The following ROCK1 variants were observed in gnomAD, a reference collection of about 807,000 sequenced individuals.
The protein encoded by ROCK1 is rho-associated protein kinase 1.
ROCK1 carries 36 observed loss-of-function variants against 196.8 expected under a neutral mutation model. That is an observed-to-expected ratio of 0.18 (90% CI 0.14 to 0.24). The LOEUF is 0.24. Ranked by LOEUF, ROCK1 falls within the 10% of genes least tolerant of loss-of-function variation. ROCK1 has a pLI of 1.00. For synonymous variants in ROCK1, 443 were observed against 515.9 expected (o/e 0.86, Z 1.91); for missense variants, 920 against 1,562.0 (o/e 0.59, Z 6.93).
intron 1 of ROCK1, among the ~76,000 whole-genome samples, chr18:21,080,955 CCAGA>C (rs2036477646): frequency 6.6e-6 from 1 of 151,864 alleles, no homozygotes. Context: ...ATGAATAGAA[CCAGA>C]CAGAAGATTA....
At chr18:21,096,863 G>C (rs1472803146) in intron 1 of ROCK1, among the ~76,000 whole-genome samples, 1 of 152,148 alleles carries the variant, frequency 6.6e-6, no homozygotes, top group Non-Finnish European at 1.5e-5. Flanking sequence ...TTCTCATTAG[G>C]TAAGATTAAC....
rs150546228 is a variant in ROCK1 at position 21,084,932 on chromosome 18, C to T, written c.94-14319G>A. ...TTATTCAGCCTTAAAAAAGGAAATG[C>T]TGACACATACTACAACATAGATAAA... On this transcript the variant is annotated intron_variant, in intron 1 of 32. Transcript: ENST00000399799. 3.4e-3 allele frequency among the ~76,000 whole-genome samples: 518 copies of T among 152,236 alleles called. 2 individuals carry two copies. Among genetic ancestry groups the T allele is most frequent in the African/African-American group, 0.012 (499 of 41,522 alleles).
intron 9 of ROCK1, among the ~76,000 whole-genome samples, chr18:21,031,330 C>T (rs1486034470): frequency 1.3e-5 from 2 of 152,028 alleles, no homozygotes; most frequent in African/African-American, 2.4e-5. Context: ...AACCACCAGG[C>T]GTGGTGGCTC....
At chr18:20,987,155 C>CT in intron 18 of ROCK1, 45 bp from the exon 19 acceptor site, 2 of 1,569,508 alleles carry the variant, frequency 1.3e-6, no homozygotes, top group Non-Finnish European at 1.7e-6. Flanking sequence ...AGAAAGAGTA[C>CT]TTTAACACAT....
intron 1 of ROCK1, among the ~76,000 whole-genome samples, chr18:21,091,887 T>G (rs570669950): frequency 2.4e-4 from 36 of 150,208 alleles, no homozygotes; most frequent in African/African-American, 8.5e-4. Context: ...CAAGGATCAG[T>G]TGAACCGGGG....
intron 29 of ROCK1, among the ~76,000 whole-genome samples, chr18:20,956,590 G>C (rs966029900): frequency 6.6e-6 from 1 of 152,146 alleles, no homozygotes; most frequent in Non-Finnish European, 1.5e-5. Context: ...AACAAATACT[G>C]TTGGAACAAC....
chr18:21,060,594 C>A (rs1391833124), intron 2 of ROCK1, among the ~76,000 whole-genome samples: 2 of 152,140 alleles, frequency 1.3e-5, no homozygotes, highest in Non-Finnish European at 2.9e-5. Context: ...AATTCCAGCA[C>A]TTTGGGAGGC....
intron 16 of ROCK1, among the ~76,000 whole-genome samples, chr18:21,005,646 G>A (rs936831885): frequency 8.5e-5 from 13 of 152,200 alleles, no homozygotes; most frequent in Non-Finnish European, 7.3e-5. Context: ...GGAGGTCGAG[G>A]TGGGCGGATC....
chr18:21,063,101 A>G (rs1043707426), intron 2 of ROCK1, among the ~76,000 whole-genome samples: 1 of 152,180 alleles, frequency 6.6e-6, no homozygotes, highest in African/African-American at 2.4e-5. Context: ...TGGAAGAGTA[A>G]GAGCATACAT....
intron 16 of ROCK1, among the ~76,000 whole-genome samples, chr18:21,003,545 T>C (rs557548932): frequency 7.9e-5 from 12 of 152,310 alleles, no homozygotes; most frequent in Non-Finnish European, 1.5e-5. Flanking sequence ...TAATGAAATA[T>C]TTACAAATTA....
At position 20,968,067 on chromosome 18, in the gene ROCK1, G is replaced by A. The variant is rs1459014505; in HGVS notation, c.3004-127C>T. 7 of 856,182 alleles carry A rather than the reference G, an allele frequency of 8.2e-6. No individual in the cohort carries two copies. In the African/African-American group the frequency reaches 1.0e-4, roughly 13 times the overall value. 53.0% of individuals were successfully genotyped at this position (856,182 alleles called of 1,614,324 possible). A position where few individuals can be genotyped will look rare whatever the true frequency, so the allele number is the denominator to read the frequency against. On this transcript the variant is annotated intron_variant, in intron 25 of 32. Transcript: ENST00000399799. Reference sequence around the variant, plus strand: ...ATGAAAATTAGGACAACTTCATGATGGTTGAGACATGATAACTGGTAGCAC... The same window carrying A: ...ATGAAAATTAGGACAACTTCATGATAGTTGAGACATGATAACTGGTAGCAC...
intron 4 of ROCK1, 34 bp downstream of exon 4, chr18:21,049,058 A>C: frequency 6.5e-7 from 1 of 1,534,930 alleles, no homozygotes; most frequent in Non-Finnish European, 8.8e-7. Context: ...TTACAAACTA[A>C]TGCAGCAATA....
At chr18:21,088,517 A>C (rs951392095) in intron 1 of ROCK1, among the ~76,000 whole-genome samples, 4 of 152,190 alleles carry the variant, frequency 2.6e-5, no homozygotes, top group Non-Finnish European at 4.4e-5. Context: ...ATTTTTTAAG[A>C]AAAGAAAAAG....
At chr18:21,023,009 A>C (rs887996214) in intron 11 of ROCK1, among the ~76,000 whole-genome samples, 2 of 106,984 alleles carry the variant, frequency 1.9e-5, no homozygotes, top group African/African-American at 1.0e-4. Flanking sequence ...ATATTGTATG[A>C]TTCCACCTCA....
chr18:20,986,299 T>G (rs1009839450), intron 19 of ROCK1, among the ~76,000 whole-genome samples: 1 of 152,206 alleles, frequency 6.6e-6, no homozygotes, highest in South Asian at 2.1e-4. Context: ...CATCTTCTTA[T>G]CCAGCCGGTA....
rs1189370186 is a variant in ROCK1 at position 20,947,589 on chromosome 18, A to T, written c.*3795T>A. 1 of 152,162 alleles carries T rather than the reference A, an allele frequency of 6.6e-6. No homozygotes were observed. Among genetic ancestry groups the T allele is most frequent in the African/African-American group, 2.4e-5 (1 of 41,450 alleles). 9.4% of individuals were successfully genotyped at this position (152,162 alleles called of 1,614,324 possible). ...CGGTGGCCTACACCTGTAATGAGAG[A>T]GTAAAACTGCTTGAGGCTAGGAGTT... On this transcript the variant is annotated 3_prime_UTR_variant, in exon 33 of 33. Coordinates refer to ENST00000399799, the MANE Select transcript of ROCK1 (RefSeq NM_005406.3).
intron 1 of ROCK1, among the ~76,000 whole-genome samples, chr18:21,079,718 G>A (rs1185827381): frequency 6.6e-6 from 1 of 152,148 alleles, no homozygotes; most frequent in Non-Finnish European, 1.5e-5. Context: ...GCCTGCCATG[G>A]CTACTAAAAG....
intron 29 of ROCK1, among the ~76,000 whole-genome samples, chr18:20,957,206 G>A (rs1211896728): frequency 6.6e-6 from 1 of 152,230 alleles, no homozygotes; most frequent in Non-Finnish European, 1.5e-5. Context: ...AAAAAGGAAT[G>A]CTCATAAGTC....
At chr18:21,017,016 C>A (rs985198734) in intron 12 of ROCK1, among the ~76,000 whole-genome samples, 1 of 151,940 alleles carries the variant, frequency 6.6e-6, no homozygotes, top group Non-Finnish European at 1.5e-5. Context: ...TTCACAGATA[C>A]TCACCTCCTG....
Sources: gnomAD v4.1 joint callset for allele counts (sites outside exome capture counted in the v4.1 genomes callset) on GRCh38, gnomAD v4.1.1 for gene constraint, MANE v1.5 for transcripts, NCBI Gene and HGNC (gene_info 2026-07-23, HGNC 2026-07-21) for gene names.